SMIM17: variants seen among roughly 807,000 people sequenced by gnomAD.
SMIM17 encodes small integral membrane protein 17.
In SMIM17, 10 loss-of-function variants were observed where a neutral mutation model predicts 12.2. The observed-to-expected ratio is 0.82, with a 90% CI of 0.50 to 1.39. The LOEUF is 1.39. Among genes scored for constraint, SMIM17 ranks in the 40% most tolerant of loss-of-function variants. SMIM17 has a pLI of 0.00. For synonymous variants in SMIM17, 50 were observed against 44.1 expected (o/e 1.13, Z -0.53); for missense variants, 136 against 118.2 (o/e 1.15, Z -0.70).
intron 3 of SMIM17, among the ~76,000 whole-genome samples, chr19:56,654,814 GA>G (rs1462096136): frequency 2.0e-5 from 3 of 152,196 alleles, no homozygotes; most frequent in African/African-American, 7.2e-5. Context: ...CATATCTCTT[GA>G]GGGGGTGGGG....
At chr19:56,648,442 C>A (rs1343399832) in intron 3 of SMIM17, among the ~76,000 whole-genome samples, 1 of 152,072 alleles carries the variant, frequency 6.6e-6, no homozygotes, top group Non-Finnish European at 1.5e-5. Context: ...TCCAGTTATC[C>A]ATATACATAC....
chr19:56,652,396 C>T (rs575471659), intron 3 of SMIM17, among the ~76,000 whole-genome samples: 63 of 151,982 alleles, frequency 4.1e-4, no homozygotes, highest in African/African-American at 1.5e-3. Flanking sequence ...GGCTCACGCC[C>T]GTAATCCTAG....
chr19:56,647,386 T>A (rs2045071573), intron 2 of SMIM17, among the ~76,000 whole-genome samples, 172 bp from the exon 3 acceptor site: 1 of 147,858 alleles, frequency 6.8e-6, no homozygotes, highest in Non-Finnish European at 1.5e-5. Flanking sequence ...TGTGTGTTTG[T>A]GTGTGTGTGA....
At chr19:56,651,054 C>G (rs139651392) in intron 3 of SMIM17, among the ~76,000 whole-genome samples, 30 of 152,242 alleles carry the variant, frequency 2.0e-4, no homozygotes, top group African/African-American at 6.0e-4. Context: ...AGACAACCAC[C>G]CTCTTTCAAA....
intron 3 of SMIM17, among the ~76,000 whole-genome samples, chr19:56,654,633 G>T (rs1263066545): frequency 6.6e-6 from 1 of 152,176 alleles, no homozygotes; most frequent in Admixed American, 6.5e-5. Context: ...GGCCTGAAGG[G>T]GTAATGGGAG....
At chr19:56,646,957 C>T (rs910570930) in intron 2 of SMIM17, among the ~76,000 whole-genome samples, 2 of 152,146 alleles carry the variant, frequency 1.3e-5, no homozygotes, top group South Asian at 4.1e-4. Context: ...ATAACAGAGG[C>T]CAGCTCTGCT....
At chr19:56,648,131 TATCCATCCATCC>T (rs35121437) in intron 3 of SMIM17, among the ~76,000 whole-genome samples, 4,848 of 129,254 alleles carry the variant, frequency 0.038, 247 homozygotes, top group African/African-American at 0.12. Context: ...TTTATCCACT[TATCCATCCATCC>T]ATCCATCCAT....
rs530519926 is a variant in SMIM17 at position 56,651,271 on chromosome 19, G to A, written c.246+3637G>A. Among the ~76,000 whole-genome samples, 31 of 152,254 alleles carry A rather than the reference G, an allele frequency of 2.0e-4. No homozygotes were observed. In the South Asian group the frequency reaches 6.2e-3, roughly 31 times the overall value. On this transcript the variant is annotated intron_variant, in intron 3 of 3. Coordinates refer to ENST00000598409, the MANE Select transcript of SMIM17 (RefSeq NM_001193628.2). The stretch of plus-strand genomic sequence containing the variant: ...ATGTGACTTTCCCTTGTCATGCAAC[G>A]TGTAAATGGCAGAGCTAGGATTTGT...
At chr19:56,652,514 A>T (rs2045117219) in intron 3 of SMIM17, among the ~76,000 whole-genome samples, 1 of 152,036 alleles carries the variant, frequency 6.6e-6, no homozygotes, top group African/African-American at 2.4e-5. Flanking sequence ...TTAGCTGGGC[A>T]TGGGGGCGGA....
intron 3 of SMIM17, among the ~76,000 whole-genome samples, chr19:56,648,778 C>A (rs907720613): frequency 6.6e-6 from 1 of 152,226 alleles, no homozygotes; most frequent in Non-Finnish European, 1.5e-5. Flanking sequence ...AAACACATTT[C>A]TTTCACTCAA....
At chr19:56,643,404 G>C (rs934623359) in intron 1 of SMIM17, among the ~76,000 whole-genome samples, 194 bp downstream of exon 1, 1 of 152,334 alleles carries the variant, frequency 6.6e-6, no homozygotes, top group Non-Finnish European at 1.5e-5. Flanking sequence ...TCCGGTGGGA[G>C]AGGACCGGGG....
intron 2 of SMIM17, 124 bp downstream of exon 2, chr19:56,645,960 T>C (rs2045060373): frequency 9.0e-7 from 1 of 1,110,040 alleles, no homozygotes; most frequent in Non-Finnish European, 1.2e-6. Context: ...GAGCACTGTG[T>C]CAGTCAGCTT....
intron 1 of SMIM17, among the ~76,000 whole-genome samples, chr19:56,643,993 G>A (rs2045043372): frequency 6.6e-6 from 1 of 151,982 alleles, no homozygotes; most frequent in Admixed American, 6.6e-5. Flanking sequence ...TGAACACTGA[G>A]GCTGTGGGGT....
At chr19:56,643,275 C>T in intron 1 of SMIM17, 65 bp downstream of exon 1, 2 of 154,124 alleles carry the variant, frequency 1.3e-5, no homozygotes, top group Non-Finnish European at 2.9e-5. Flanking sequence ...GGGGCGCGGG[C>T]GGCGATCCGG....
At chr19:56,652,330 G>A (rs1388996525) in intron 3 of SMIM17, among the ~76,000 whole-genome samples, 5 of 151,856 alleles carry the variant, frequency 3.3e-5, no homozygotes, top group Admixed American at 6.6e-5. Context: ...CCGTCTTATC[G>A]CAAGGGAACC....
At position 56,647,477 on chromosome 19, in the gene SMIM17, G is replaced by T. The variant is rs547857980; in HGVS notation, c.170-81G>T. Reference sequence around the variant, plus strand: ...GAGGCTATTACTAGAAAAGGGACAAGATGCCAGTGGGAAGAGCCCACTCCT... The same window carrying T: ...GAGGCTATTACTAGAAAAGGGACAATATGCCAGTGGGAAGAGCCCACTCCT... On this transcript the variant is annotated intron_variant, in intron 2 of 3. Coordinates refer to ENST00000598409, the MANE Select transcript of SMIM17 (RefSeq NM_001193628.2). The T allele has an allele frequency of 2.9e-5, 27 of 939,886 alleles. No homozygotes were observed. In the African/African-American group the frequency reaches 3.4e-4, roughly 12 times the overall value. The allele number at this position is 939,886 out of a possible 1,614,324, so 58.2% of individuals were successfully genotyped here. A position where few individuals can be genotyped will look rare whatever the true frequency, so the allele number is the denominator to read the frequency against.
intron 2 of SMIM17, among the ~76,000 whole-genome samples, chr19:56,646,602 A>T (rs1285157303): frequency 6.6e-5 from 10 of 152,132 alleles, no homozygotes. Context: ...CCTGAGTCTC[A>T]CTGCATGTGA....
Position 56,655,687 on chromosome 19 carries a change from G to T in SMIM17, c.*474G>T, listed in dbSNP as rs2045144914. 1 of 156,528 alleles carries T rather than the reference G, an allele frequency of 6.4e-6. No individual in the cohort carries two copies. The highest frequency in any genetic ancestry group is 1.4e-5 in the Non-Finnish European group (1 of 71,152). The allele number at this position is 156,528 out of a possible 1,614,324, so 9.7% of individuals were successfully genotyped here. A position where few individuals can be genotyped will look rare whatever the true frequency, so the allele number is the denominator to read the frequency against. On this transcript the variant is annotated 3_prime_UTR_variant, in exon 4 of 4. Transcript: ENST00000598409. ...CACATGTGAGATTGGTGCTATCTTT[G>T]TGAAGTTTTGGTATCATGGTTAAGC...
chr19:56,648,842 G>A (rs925928330), intron 3 of SMIM17, among the ~76,000 whole-genome samples: 8 of 152,140 alleles, frequency 5.3e-5, no homozygotes, highest in Non-Finnish European at 1.0e-4. Context: ...GAAAACCAGT[G>A]GTTCTTTCAT....
Sources: gnomAD v4.1 joint callset for allele counts (sites outside exome capture counted in the v4.1 genomes callset) on GRCh38, gnomAD v4.1.1 for gene constraint, MANE v1.5 for transcripts, NCBI Gene and HGNC (gene_info 2026-07-23, HGNC 2026-07-21) for gene names.